The following ADD2 variants were observed in gnomAD, a reference collection of about 807,000 sequenced individuals.
The protein encoded by ADD2 is adducin 2.
A neutral mutation model predicts 83.0 loss-of-function variants in ADD2; 23 were observed. The observed-to-expected ratio is 0.28, with a 90% CI of 0.20 to 0.39. The LOEUF is 0.39. Ranked by LOEUF, ADD2 falls within the 10% of genes least tolerant of loss-of-function variation. The pLI is 1.00. For missense variants in ADD2, 758 were observed against 944.9 expected, an observed-to-expected ratio of 0.80 and a Z score of 2.59; for synonymous variants, 375 against 375.4, an observed-to-expected ratio of 1.00 and a Z score of 0.01.
chr2:70,681,229 A>G (rs938723921), intron 10 of ADD2, among the ~76,000 whole-genome samples: 1 of 152,054 alleles, frequency 6.6e-6, no homozygotes, highest in African/African-American at 2.4e-5. Context: ...TGGCTCTGGG[A>G]CTCAGTCAGT....
chr2:70,739,571 C>G (rs1030566371), intron 1 of ADD2, among the ~76,000 whole-genome samples: 1 of 152,232 alleles, frequency 6.6e-6, no homozygotes, highest in Non-Finnish European at 1.5e-5. Context: ...ACCATGAAGA[C>G]ACATGCACAC....
At chr2:70,767,692 G>A in intron 1 of ADD2, 194 bp downstream of exon 1, 1 of 1,400,714 alleles carries the variant, frequency 7.1e-7, no homozygotes, top group South Asian at 1.6e-5. Flanking sequence ...AGCCTCGGAT[G>A]CTACATCATC....
At chr2:70,711,959 C>G (rs1489421843) in intron 2 of ADD2, among the ~76,000 whole-genome samples, 1 of 152,144 alleles carries the variant, frequency 6.6e-6, no homozygotes, top group Non-Finnish European at 1.5e-5. Flanking sequence ...TGTCCTTTAT[C>G]TTGTAGTAGT....
At chr2:70,729,747 T>TGGACCA (rs1673187756) in intron 1 of ADD2, among the ~76,000 whole-genome samples, 1 of 152,182 alleles carries the variant, frequency 6.6e-6, no homozygotes. Flanking sequence ...CCTTTACACT[T>TGGACCA]TCTAAATACC....
intron 1 of ADD2, among the ~76,000 whole-genome samples, chr2:70,759,231 T>G (rs1404324333): frequency 6.6e-6 from 1 of 152,208 alleles, no homozygotes; most frequent in Admixed American, 6.5e-5. Flanking sequence ...GGCCTCCAGA[T>G]CCTGCCCTGG....
chr2:70,759,501 C>A (rs1674972528), intron 1 of ADD2, among the ~76,000 whole-genome samples: 1 of 152,010 alleles, frequency 6.6e-6, no homozygotes, highest in Non-Finnish European at 1.5e-5. Context: ...GAGGGGGTAC[C>A]TGGTGGGAGG....
rs189928037 is a variant in ADD2 at position 70,718,688 on chromosome 2, A to G, written c.-153-5504T>C. ...CCAGCCCTGCAGTGAAGGACCCAGC[A>G]TCCTGGTTTTTCGGGAGAGGAAATT... On this transcript the variant is annotated intron_variant, in intron 1 of 15. Transcript: ENST00000264436. Among the ~76,000 whole-genome samples, 277 of 152,316 alleles carry G rather than the reference A, an allele frequency of 1.8e-3. 1 individual carries two copies. Among genetic ancestry groups the G allele is most frequent in the African/African-American group, 6.6e-3 (273 of 41,582 alleles).
intron 1 of ADD2, among the ~76,000 whole-genome samples, chr2:70,737,341 A>G (rs1553380351): frequency 6.6e-6 from 1 of 152,196 alleles, no homozygotes; most frequent in African/African-American, 2.4e-5. Context: ...TCCATCAATG[A>G]TAGACTGGAT....
intron 6 of ADD2, 129 bp from the exon 7 acceptor site, chr2:70,692,681 G>C: frequency 5.8e-6 from 6 of 1,038,776 alleles, no homozygotes; most frequent in Non-Finnish European, 8.0e-6. Context: ...GAGCAATGAC[G>C]GACTTGGTGT....
intron 1 of ADD2, among the ~76,000 whole-genome samples, chr2:70,741,163 T>C (rs948436807): frequency 1.3e-5 from 2 of 152,106 alleles, no homozygotes; most frequent in Non-Finnish European, 1.5e-5. Flanking sequence ...GGGAAAATAA[T>C]GGGAGACGGA....
rs914194718 is a variant in ADD2 at position 70,676,898 on chromosome 2, G to A, written c.1504-13C>T. Reference sequence around the variant, plus strand: ...TTTGTTCTCGAATCTGTGTGGAAAGGGGAGAGGAAGAGTGAGCTGGCTGTT... The same window carrying A: ...TTTGTTCTCGAATCTGTGTGGAAAGAGGAGAGGAAGAGTGAGCTGGCTGTT... On this transcript the variant is annotated splice_polypyrimidine_tract_variant and intron_variant, in intron 12 of 15. Transcript: ENST00000264436. This position sits in a 1 kb window ranked among gnomAD's most constrained non-coding sequence, Gnocchi z 4.8. The A allele has an allele frequency of 3.1e-6, 5 of 1,609,820 alleles. No individual in the cohort carries two copies. The highest frequency in any genetic ancestry group is 1.6e-4 in the Middle Eastern group (1 of 6,070).
At chr2:70,689,091 G>A (rs899159873) in intron 8 of ADD2, among the ~76,000 whole-genome samples, 9 of 140,948 alleles carry the variant, frequency 6.4e-5, no homozygotes, top group Admixed American at 4.2e-4. Flanking sequence ...GCAAGACTCC[G>A]TCTCAAAAAA....
intron 15 of ADD2, 129 bp from the exon 16 acceptor site, chr2:70,663,864 G>T: frequency 1.0e-6 from 1 of 962,906 alleles, no homozygotes; most frequent in Non-Finnish European, 1.5e-6. Context: ...CCAGCCTGAT[G>T]TTGAGGGATG....
chr2:70,766,884 T>A (rs1409553032), intron 1 of ADD2, among the ~76,000 whole-genome samples: 1 of 152,246 alleles, frequency 6.6e-6, no homozygotes, highest in Non-Finnish European at 1.5e-5. Flanking sequence ...GTATTAATCA[T>A]GTGTCAGAGA....
intron 15 of ADD2, 120 bp from the exon 16 acceptor site, chr2:70,663,855 C>T: frequency 9.1e-7 from 1 of 1,098,432 alleles, no homozygotes; most frequent in Non-Finnish European, 1.3e-6. Context: ...AGGGGAGGGC[C>T]AGCCTGATGT....
At chr2:70,745,293 A>T (rs6744519) in intron 1 of ADD2, among the ~76,000 whole-genome samples, 5,462 of 152,174 alleles carry the variant, frequency 0.036, 319 homozygotes, top group African/African-American at 0.13. Context: ...CTCAAAATAA[A>T]AAAAAAAGAA....
At chr2:70,736,732 T>C (rs576562104) in intron 1 of ADD2, among the ~76,000 whole-genome samples, 15 of 152,216 alleles carry the variant, frequency 9.9e-5, no homozygotes, top group African/African-American at 2.2e-4. Context: ...TTCCTCACAC[T>C]GTATTGGACA....
At chr2:70,750,667 G>A (rs971517893) in intron 1 of ADD2, among the ~76,000 whole-genome samples, 1 of 152,136 alleles carries the variant, frequency 6.6e-6, no homozygotes, top group Non-Finnish European at 1.5e-5. Flanking sequence ...GAGGGAGCAC[G>A]GCCTTGTCAG....
At chr2:70,755,862 C>A (rs1674750544) in intron 1 of ADD2, among the ~76,000 whole-genome samples, 1 of 151,900 alleles carries the variant, frequency 6.6e-6, no homozygotes, top group Non-Finnish European at 1.5e-5. Context: ...AGTTCGAGAC[C>A]AGCCTGGCCA....
Sources: allele counts gnomAD v4.1 joint callset (sites outside exome capture counted in the v4.1 genomes callset), GRCh38; gene constraint gnomAD v4.1.1; non-coding constraint Gnocchi (gnomAD v3.1); transcripts MANE v1.5; gene names NCBI Gene and HGNC (gene_info 2026-07-23, HGNC 2026-07-21).